The following CA10 variants were observed in gnomAD, a reference collection of about 807,000 sequenced individuals.
The protein encoded by CA10 is carbonic anhydrase 10 (inactive).
In CA10, 14 loss-of-function variants were observed where a neutral mutation model predicts 44.2. The ratio of observed to expected loss-of-function variants is 0.32; its 90% CI spans 0.21 to 0.50. The LOEUF (loss-of-function observed/expected upper bound fraction) is 0.50. Ranked by LOEUF, CA10 falls within the 20% of genes least tolerant of loss-of-function variation. The pLI is 0.99. For missense variants in CA10, 350 were observed against 409.7 expected, an observed-to-expected ratio of 0.85 and a Z score of 1.26; for synonymous variants, 159 against 141.6, an observed-to-expected ratio of 1.12 and a Z score of -0.87.
intron 3 of CA10, among the ~76,000 whole-genome samples, chr17:51,793,483 A>G (rs1316980655): frequency 6.6e-6 from 1 of 152,204 alleles, no homozygotes; most frequent in South Asian, 2.1e-4. Context: ...TTAATTTGCT[A>G]AAAACTTATT....
At chr17:51,927,586 T>G (rs1306192110) in intron 3 of CA10, among the ~76,000 whole-genome samples, 1 of 152,154 alleles carries the variant, frequency 6.6e-6, no homozygotes, top group African/African-American at 2.4e-5. Flanking sequence ...TATTTCATTT[T>G]CAAATTACCA....
chr17:51,991,797 G>A (rs371568482), intron 2 of CA10, among the ~76,000 whole-genome samples: 57 of 152,140 alleles, frequency 3.7e-4, no homozygotes, highest in African/African-American at 1.3e-3. Flanking sequence ...CAACAAGAGC[G>A]AAACTCCATT....
chr17:51,805,711 C>G (rs114871993), intron 3 of CA10, among the ~76,000 whole-genome samples: 234 of 152,334 alleles, frequency 1.5e-3, no homozygotes, highest in African/African-American at 5.0e-3. Flanking sequence ...CTCCATAGTT[C>G]AGTTTTAGAA....
chr17:51,867,939 T>G (rs1169492209), intron 3 of CA10, among the ~76,000 whole-genome samples: 2 of 152,180 alleles, frequency 1.3e-5, no homozygotes. Flanking sequence ...CTGCATAAAA[T>G]GTAAATCTAA....
chr17:51,880,716 T>C (rs963654274), intron 3 of CA10, among the ~76,000 whole-genome samples: 10 of 152,078 alleles, frequency 6.6e-5, no homozygotes, highest in African/African-American at 2.4e-4. Context: ...CTATAGGAAA[T>C]CTTATTTATT....
chr17:52,002,483 T>C (rs1242942797), intron 2 of CA10, among the ~76,000 whole-genome samples: 2 of 151,884 alleles, frequency 1.3e-5, no homozygotes, highest in African/African-American at 4.8e-5. Context: ...GGAGGCAAGA[T>C]GGATAATTAT....
At chr17:51,763,846 T>A (rs16950481) in intron 3 of CA10, among the ~76,000 whole-genome samples, 13,529 of 151,940 alleles carry the variant, frequency 0.089, 1,127 homozygotes, top group African/African-American at 0.21. Flanking sequence ...CTAAAAACCC[T>A]CTGTAATCTG....
intron 4 of CA10, among the ~76,000 whole-genome samples, chr17:51,673,069 A>C (rs1028899390): frequency 3.3e-5 from 5 of 152,206 alleles, no homozygotes; most frequent in African/African-American, 1.2e-4. Flanking sequence ...TTGTGGCCTT[A>C]ATGCCTATCA....
intron 1 of CA10, among the ~76,000 whole-genome samples, chr17:52,107,421 T>G (rs1196910264): frequency 6.6e-6 from 1 of 152,192 alleles, no homozygotes; most frequent in Admixed American, 6.5e-5. Context: ...AAAAGGTTAT[T>G]TTTTCTTTTT....
chr17:51,658,580 CT>C (rs1456300393), intron 4 of CA10, among the ~76,000 whole-genome samples: 1 of 152,084 alleles, frequency 6.6e-6, no homozygotes, highest in Non-Finnish European at 1.5e-5. Context: ...TGCAAAGAGC[CT>C]GAGATAGGGA....
chr17:51,786,165 A>G (rs143097845), intron 3 of CA10, among the ~76,000 whole-genome samples: 56 of 151,710 alleles, frequency 3.7e-4, no homozygotes, highest in African/African-American at 1.3e-3. Flanking sequence ...TTGATTTTGT[A>G]TCCTTCTACT....
intron 4 of CA10, among the ~76,000 whole-genome samples, chr17:51,678,500 A>G (rs1377275121): frequency 6.6e-6 from 1 of 152,242 alleles, no homozygotes; most frequent in African/African-American, 2.4e-5. Context: ...GCTTCTGGCT[A>G]TAACTGAAAA....
At chr17:52,033,833 C>T (rs1183743544) in intron 2 of CA10, among the ~76,000 whole-genome samples, 1 of 152,152 alleles carries the variant, frequency 6.6e-6, no homozygotes, top group African/African-American at 2.4e-5. Context: ...GGTTTGCACT[C>T]CTAAGAGATT....
intron 2 of CA10, among the ~76,000 whole-genome samples, chr17:51,999,501 G>T (rs1223002104): frequency 6.6e-6 from 1 of 152,024 alleles, no homozygotes; most frequent in Non-Finnish European, 1.5e-5. Flanking sequence ...TGTTGAGTAT[G>T]AGGCACTGGT....
At chr17:51,882,965 A>C (rs1429233716) in intron 3 of CA10, among the ~76,000 whole-genome samples, 1 of 151,808 alleles carries the variant, frequency 6.6e-6, no homozygotes, top group Non-Finnish European at 1.5e-5. Context: ...CATCTTGGGT[A>C]AGGTACTGGT....
intron 3 of CA10, among the ~76,000 whole-genome samples, chr17:51,786,396 A>G (rs1456734565): frequency 6.6e-6 from 1 of 152,176 alleles, no homozygotes; most frequent in Non-Finnish European, 1.5e-5. Flanking sequence ...TATGAAAAAT[A>G]CAAAAATTAG....
intron 3 of CA10, among the ~76,000 whole-genome samples, chr17:51,752,589 G>A (rs565973943): frequency 1.3e-5 from 2 of 152,116 alleles, no homozygotes; most frequent in South Asian, 4.2e-4. Flanking sequence ...TAATGATCTC[G>A]ATGTAAGCAA....
chr17:51,821,712 G>A (rs767591727), intron 3 of CA10, among the ~76,000 whole-genome samples: 8 of 151,904 alleles, frequency 5.3e-5, no homozygotes, highest in Non-Finnish European at 1.2e-4. Flanking sequence ...CAAGGTTCTG[G>A]ATAATCTGGT....
intron 6 of CA10, among the ~76,000 whole-genome samples, chr17:51,644,800 CTTT>C (rs148441183): frequency 8.3e-6 from 1 of 121,120 alleles, no homozygotes. Context: ...CATTTCTTGG[CTTT>C]TTTTTTTTTT....
Sources: gnomAD v4.1 joint callset for allele counts (sites outside exome capture counted in the v4.1 genomes callset) on GRCh38, gnomAD v4.1.1 for gene constraint, MANE v1.5 for transcripts, NCBI Gene and HGNC (gene_info 2026-07-23, HGNC 2026-07-21) for gene names.